The following RECQL variants were observed in gnomAD, a reference collection of about 807,000 sequenced individuals.
RECQL encodes ATP-dependent DNA helicase Q1.
Under a neutral mutation model 75.8 loss-of-function variants are expected in RECQL, and 73 were observed. That is an observed-to-expected ratio of 0.96 (90% CI 0.80 to 1.17). The LOEUF is 1.17. Ranked by LOEUF, RECQL falls within the 50% of genes most tolerant of loss-of-function variation. RECQL has a pLI of 0.00. For synonymous variants in RECQL, 248 were observed against 254.4 expected (o/e 0.97, Z 0.24); for missense variants, 699 against 772.1 (o/e 0.91, Z 1.12).
intron 5 of RECQL, among the ~76,000 whole-genome samples, chr12:21,484,885 C>T (rs916698331): frequency 6.6e-6 from 1 of 151,858 alleles, no homozygotes; most frequent in African/African-American, 2.4e-5. Flanking sequence ...AGAAAACCAA[C>T]TCTTTCTGAA....
At chr12:21,500,369 T>C (rs181092064) in intron 1 of RECQL, among the ~76,000 whole-genome samples, 7 of 152,262 alleles carry the variant, frequency 4.6e-5, no homozygotes, top group Admixed American at 1.3e-4. Context: ...AAATTCCCCA[T>C]AATCCTAAAA....
chr12:21,478,532 G>A (rs2062084669), intron 6 of RECQL, among the ~76,000 whole-genome samples: 2 of 152,182 alleles, frequency 1.3e-5, no homozygotes, highest in African/African-American at 2.4e-5. Flanking sequence ...TGTGTCTTAA[G>A]AGAATGAGCA....
intron 4 of RECQL, 25 bp downstream of exon 4, chr12:21,490,174 C>G (rs1393587127): frequency 3.4e-6 from 5 of 1,452,958 alleles, no homozygotes. Context: ...TTCTTCAACT[C>G]AAAATTAATT....
chr12:21,497,816 C>T (rs533585121), intron 2 of RECQL, among the ~76,000 whole-genome samples: 13 of 152,350 alleles, frequency 8.5e-5, no homozygotes, highest in Middle Eastern at 3.4e-3. Context: ...CATCTGGCTA[C>T]ATCCAGAGCT....
rs117377521 is a variant in RECQL, at chr12:21,481,589, C to T, written c.700+1787G>A. ...AAAAGAGGGGCCCTTAATAGAAAGG[C>T]GTATACATCCCGTTTAAGGCATTTA... On this transcript the variant is annotated intron_variant, in intron 6 of 14. Coordinates refer to ENST00000444129, the MANE Select transcript of RECQL (RefSeq NM_002907.4). Among the ~76,000 whole-genome samples the T allele has an allele frequency of 3.7e-4, 56 of 151,976 alleles. 2 individuals are homozygous for T. The East Asian group carries it at 8.9e-3, about 24-fold the overall frequency.
At chr12:21,491,173 G>A (rs1376646092) in intron 3 of RECQL, among the ~76,000 whole-genome samples, 1 of 152,078 alleles carries the variant, frequency 6.6e-6, no homozygotes, top group East Asian at 1.9e-4. Context: ...AATCATGAAA[G>A]GTTTGTTCAC....
chr12:21,478,665 T>G (rs888279004), intron 6 of RECQL, among the ~76,000 whole-genome samples: 1 of 152,012 alleles, frequency 6.6e-6, no homozygotes, highest in African/African-American at 2.4e-5. Flanking sequence ...AGTCACAGAG[T>G]CTTGTGGTGG....
At chr12:21,494,481 G>A (rs1380468490) in intron 2 of RECQL, among the ~76,000 whole-genome samples, 1 of 152,176 alleles carries the variant, frequency 6.6e-6, no homozygotes, top group Non-Finnish European at 1.5e-5. Context: ...CCTAGATAGT[G>A]GCCAGGAGTG....
At chr12:21,495,319 A>G (rs6487234) in intron 2 of RECQL, among the ~76,000 whole-genome samples, 150,673 of 152,290 alleles carry the variant, frequency 0.99, 74,561 homozygotes, top group South Asian at 1. Flanking sequence ...GAAATCGGCC[A>G]GGCACGGTGG....
chr12:21,484,830 G>T (rs1943259299), intron 5 of RECQL, among the ~76,000 whole-genome samples: 1 of 151,802 alleles, frequency 6.6e-6, no homozygotes, highest in Non-Finnish European at 1.5e-5. Context: ...GATACTTGGG[G>T]AAAGAAAACC....
intron 11 of RECQL, 49 bp from the exon 12 acceptor site, chr12:21,473,691 T>C (rs760623528): frequency 4.0e-6 from 6 of 1,496,594 alleles, no homozygotes; most frequent in Non-Finnish European, 5.5e-6. Flanking sequence ...TAATAAAGTT[T>C]TAAGAATCTC....
At chr12:21,494,879 G>A (rs982631126) in intron 2 of RECQL, among the ~76,000 whole-genome samples, 5 of 152,280 alleles carry the variant, frequency 3.3e-5, no homozygotes, top group East Asian at 1.9e-4. Flanking sequence ...CTGATTCAAC[G>A]ACAATGATGG....
chr12:21,476,193 T>C (rs1033204411), intron 8 of RECQL, among the ~76,000 whole-genome samples: 1 of 152,072 alleles, frequency 6.6e-6, no homozygotes, highest in Non-Finnish European at 1.5e-5. Context: ...TGCATGCAAA[T>C]TAATTTGGAG....
intron 6 of RECQL, among the ~76,000 whole-genome samples, chr12:21,482,069 A>G (rs1943202294): frequency 6.6e-6 from 1 of 152,104 alleles, no homozygotes; most frequent in African/African-American, 2.4e-5. Context: ...ATGGTGACAG[A>G]AAGAACAGAA....
At chr12:21,499,489 T>C in intron 2 of RECQL, 66 bp downstream of exon 2, 1 of 1,401,102 alleles carries the variant, frequency 7.1e-7, no homozygotes, top group Non-Finnish European at 9.7e-7. Flanking sequence ...AAAACAAACT[T>C]TTTCAAATAT....
At chr12:21,495,376 C>T (rs1943486187) in intron 2 of RECQL, among the ~76,000 whole-genome samples, 1 of 152,156 alleles carries the variant, frequency 6.6e-6, no homozygotes, top group African/African-American at 2.4e-5. Context: ...GCGGGTGGAT[C>T]ACGAGATCAG....
chr12:21,491,760 A>C, intron 2 of RECQL, 44 bp from the exon 3 acceptor site: 2 of 1,518,622 alleles, frequency 1.3e-6, no homozygotes, highest in Non-Finnish European at 1.8e-6. Context: ...AGAGTAAATT[A>C]CAACTTTAGG....
At chr12:21,500,585 A>C (rs1943591560) in intron 1 of RECQL, among the ~76,000 whole-genome samples, 1 of 152,224 alleles carries the variant, frequency 6.6e-6, no homozygotes, top group Admixed American at 6.5e-5. Context: ...AAGAAGGCTA[A>C]ATAGGAGAGT....
intron 5 of RECQL, among the ~76,000 whole-genome samples, chr12:21,484,106 A>G (rs1228283701): frequency 1.3e-5 from 2 of 152,138 alleles, no homozygotes; most frequent in African/African-American, 4.8e-5. Flanking sequence ...TAAGATAATA[A>G]TAATAAATCT....
Sources: allele counts gnomAD v4.1 joint callset (sites outside exome capture counted in the v4.1 genomes callset), GRCh38; gene constraint gnomAD v4.1.1; transcripts MANE v1.5; gene names NCBI Gene and HGNC (gene_info 2026-07-23, HGNC 2026-07-21).